KIRREL3: variants seen among roughly 807,000 people sequenced by gnomAD.
KIRREL3 encodes kirre like nephrin family adhesion molecule 3, also known as kin of IRRE-like protein 3.
In KIRREL3, 36 loss-of-function variants were observed where a neutral mutation model predicts 89.7. That is an observed-to-expected ratio of 0.40 (90% CI 0.31 to 0.53). The LOEUF is 0.53. Ranked by LOEUF, KIRREL3 falls within the 20% of genes least tolerant of loss-of-function variation. The pLI is 0.49. For synonymous variants in KIRREL3, 445 were observed against 441.4 expected, an observed-to-expected ratio of 1.01 and a Z score of -0.10; for missense variants, 864 against 1,056.6, an observed-to-expected ratio of 0.82 and a Z score of 2.53.
At chr11:126,916,391 C>T (rs577879717) in intron 1 of KIRREL3, among the ~76,000 whole-genome samples, 26 of 152,204 alleles carry the variant, frequency 1.7e-4, no homozygotes, top group South Asian at 4.2e-4. Context: ...AAGGGTGGGC[C>T]GCCAGAATCT....
rs554894911 is a variant in KIRREL3, at chr11:126,571,844, G to A, written c.56-8932C>T. ...CCCATGTGCAAGGATGCCTCAGCCC[G>A]TCTCTGATTTAACGTATCTAATTCC... On this transcript the variant is annotated intron_variant, in intron 1 of 16. Coordinates refer to ENST00000525144, the MANE Select transcript of KIRREL3 (RefSeq NM_032531.4). The surrounding 1 kb of genome is among the most constrained non-coding windows in gnomAD (Gnocchi z 7.7). Among the ~76,000 whole-genome samples the A allele has an allele frequency of 5.9e-5, 9 of 152,318 alleles. No homozygotes were observed. The highest frequency in any genetic ancestry group is 1.0e-4 in the Non-Finnish European group (7 of 68,028).
intron 1 of KIRREL3, among the ~76,000 whole-genome samples, chr11:126,741,937 C>A (rs1314873731): frequency 1.3e-5 from 2 of 152,168 alleles, no homozygotes; most frequent in Admixed American, 1.3e-4. Flanking sequence ...CATTCCATTG[C>A]TCTTTTCATT....
rs1229033195 is a variant in KIRREL3, at chr11:126,579,282, A to G, written c.56-16370T>C. On this transcript the variant is annotated intron_variant, in intron 1 of 16. Transcript: ENST00000525144. The surrounding 1 kb of genome is among the most constrained non-coding windows in gnomAD (Gnocchi z 5.3). ...GTTCCCAAACGCAGGTGAGTATAAA[A>G]TCCAATTTCTTAAATTGCATCCAGG... Among the ~76,000 whole-genome samples, 2 of 152,050 alleles carry G rather than the reference A, an allele frequency of 1.3e-5. No homozygotes were observed. Among genetic ancestry groups the G allele is most frequent in the Non-Finnish European group, 2.9e-5 (2 of 68,020 alleles).
intron 1 of KIRREL3, among the ~76,000 whole-genome samples, chr11:126,979,234 T>C (rs900879052): frequency 2.4e-4 from 36 of 152,186 alleles, no homozygotes; most frequent in African/African-American, 8.4e-4. Context: ...GAGAAATGAA[T>C]AGAAATGAGA....
chr11:126,944,623 C>T (rs1305598182), intron 1 of KIRREL3, among the ~76,000 whole-genome samples: 1 of 152,148 alleles, frequency 6.6e-6, no homozygotes, highest in Non-Finnish European at 1.5e-5. Flanking sequence ...GTGGTCCACG[C>T]CTTGAGACTT....
At position 126,940,869 on chromosome 11, in the gene KIRREL3, G is replaced by A. The variant is rs566489801; in HGVS notation, c.55+59586C>T. Reference sequence around the variant, plus strand: ...GCCAAGACTGTCATGAAACTATTTGGATACTGTACTCTGGTTCCTTCATCT... The same window carrying A: ...GCCAAGACTGTCATGAAACTATTTGAATACTGTACTCTGGTTCCTTCATCT... On this transcript the variant is annotated intron_variant, in intron 1 of 16. Coordinates refer to ENST00000525144, the MANE Select transcript of KIRREL3 (RefSeq NM_032531.4). The surrounding 1 kb of genome is among the most constrained non-coding windows in gnomAD (Gnocchi z 4.6). 2.0e-5 allele frequency: 3 copies of A among 151,732 alleles called. No homozygotes were observed. Among genetic ancestry groups the A allele is most frequent in the African/African-American group, 4.8e-5 (2 of 41,248 alleles). 9.4% of individuals were successfully genotyped at this position (151,732 alleles called of 1,614,324 possible).
At chr11:126,741,523 C>G (rs1291368319) in intron 1 of KIRREL3, among the ~76,000 whole-genome samples, 1 of 152,146 alleles carries the variant, frequency 6.6e-6, no homozygotes, top group East Asian at 1.9e-4. Context: ...CAGAGTTCAA[C>G]AAATGCGTCT....
chr11:126,916,840 G>T (rs1208503742), intron 1 of KIRREL3, among the ~76,000 whole-genome samples: 2 of 152,192 alleles, frequency 1.3e-5, no homozygotes, highest in African/African-American at 4.8e-5. Context: ...GGTTAGAAGG[G>T]TGATGTGCCT....
rs2135249047 is a variant in KIRREL3 at position 126,981,864 on chromosome 11, TG to T, written c.55+18590del. On this transcript the variant is annotated intron_variant, in intron 1 of 16. Transcript: ENST00000525144. The surrounding 1 kb of genome is among the most constrained non-coding windows in gnomAD (Gnocchi z 4.2). ...CTTCTGTAGCACACACTCCCTTGCT[TG>T]GGGGCTCTGCTGGGATGACAGCCTT... 6.6e-6 allele frequency among the ~76,000 whole-genome samples: 1 copy of T among 152,322 alleles called. No individual in the cohort carries two copies. Among genetic ancestry groups the T allele is most frequent in the East Asian group, 1.9e-4 (1 of 5,176 alleles).
intron 2 of KIRREL3, among the ~76,000 whole-genome samples, chr11:126,529,602 C>CAAA (rs57667466): frequency 4.5e-5 from 5 of 111,812 alleles, no homozygotes; most frequent in Admixed American, 1.9e-4. Context: ...GACTCGGTCT[C>CAAA]AAAAAAAAAA....
At chr11:126,857,339 C>A (rs1944551987) in intron 1 of KIRREL3, among the ~76,000 whole-genome samples, 1 of 152,270 alleles carries the variant, frequency 6.6e-6, no homozygotes, top group African/African-American at 2.4e-5. Context: ...CCTGCCCCAA[C>A]TTGCAGAGAA....
rs992517225 is a variant in KIRREL3, at chr11:126,511,665, C to T, written c.433+9650G>A. Among the ~76,000 whole-genome samples, 12 of 152,202 alleles carry T rather than the reference C, an allele frequency of 7.9e-5. No homozygotes were observed. In the East Asian group the frequency reaches 9.7e-4, roughly 12 times the overall value. On this transcript the variant is annotated intron_variant, in intron 4 of 16. Transcript: ENST00000525144. The stretch of plus-strand genomic sequence containing the variant: ...TCTCTTTCTCTCCAGGCTTGGCCTC[C>T]GCGAGTCTGCCTTGGGTTGTGTGAC...
intron 1 of KIRREL3, among the ~76,000 whole-genome samples, chr11:126,825,593 G>A (rs1211210154): frequency 1.3e-5 from 2 of 152,174 alleles, no homozygotes; most frequent in Non-Finnish European, 2.9e-5. Context: ...ACAGGCTACT[G>A]CTGTTACCAC....
intron 1 of KIRREL3, among the ~76,000 whole-genome samples, chr11:126,984,406 C>A (rs952503134): frequency 3.3e-5 from 5 of 152,124 alleles, no homozygotes; most frequent in African/African-American, 1.2e-4. Context: ...GTGCTCTATG[C>A]CTTCAAGCAG....
rs1412365467 is a variant in KIRREL3, at chr11:126,607,111, A to C, written c.56-44199T>G. On this transcript the variant is annotated intron_variant, in intron 1 of 16. Transcript: ENST00000525144. The surrounding 1 kb of genome is among the most constrained non-coding windows in gnomAD (Gnocchi z 6.6). ...AACCACAGGGCTTGTCGTGGGGCTT[A>C]TGAGTAGCTAGGGCCTCCCAGGAGG... Among the ~76,000 whole-genome samples, 3 of 152,154 alleles carry C rather than the reference A, an allele frequency of 2.0e-5. No individual in the cohort carries two copies. The highest frequency in any genetic ancestry group is 4.4e-5 in the Non-Finnish European group (3 of 68,016).
At position 126,778,030 on chromosome 11, in the gene KIRREL3, T is replaced by C. The variant is rs1175970179; in HGVS notation, c.56-215118A>G. ...CTCTCTTTTCCTGGTATATGAGAAA[T>C]ACATGCTCATTGTAGAAAAAAAAAA... On this transcript the variant is annotated intron_variant, in intron 1 of 16. Transcript: ENST00000525144. This position sits in a 1 kb window ranked among gnomAD's most constrained non-coding sequence, Gnocchi z 4.5. Among the ~76,000 whole-genome samples, 1 of 139,618 alleles carries C rather than the reference T, an allele frequency of 7.2e-6. No individual in the cohort carries two copies. Among genetic ancestry groups the C allele is most frequent in the Non-Finnish European group, 1.5e-5 (1 of 64,860 alleles). 91.6% of individuals were successfully genotyped at this position (139,618 alleles called of 152,430 possible). A position where few individuals can be genotyped will look rare whatever the true frequency, so the allele number is the denominator to read the frequency against.
At chr11:126,681,557 G>A (rs1485422915) in intron 1 of KIRREL3, among the ~76,000 whole-genome samples, 1 of 152,000 alleles carries the variant, frequency 6.6e-6, no homozygotes, top group African/African-American at 2.4e-5. Flanking sequence ...GGACTTGGGA[G>A]CGGGGGCTGT....
In KIRREL3 at chr11:126,574,744, A is replaced by G. The variant is rs1404088889; in HGVS notation, c.56-11832T>C. 6.6e-6 allele frequency among the ~76,000 whole-genome samples: 1 copy of G among 152,054 alleles called. No individual in the cohort carries two copies. The highest frequency in any genetic ancestry group is 2.4e-5 in the African/African-American group (1 of 41,370). On this transcript the variant is annotated intron_variant, in intron 1 of 16. Coordinates refer to ENST00000525144, the MANE Select transcript of KIRREL3 (RefSeq NM_032531.4). This position sits in a 1 kb window ranked among gnomAD's most constrained non-coding sequence, Gnocchi z 5.3. ...ACTTGAGATGGCTCCTTAGACTTAA[A>G]TCTCCCTTGAAAAGAAAATGCTGCT...
rs772238938 is a variant in KIRREL3, at chr11:126,605,877, A to G, written c.56-42965T>C. 6.6e-6 allele frequency among the ~76,000 whole-genome samples: 1 copy of G among 152,190 alleles called. No individual in the cohort carries two copies. Among genetic ancestry groups the G allele is most frequent in the Non-Finnish European group, 1.5e-5 (1 of 68,036 alleles). On this transcript the variant is annotated intron_variant, in intron 1 of 16. Coordinates refer to ENST00000525144, the MANE Select transcript of KIRREL3 (RefSeq NM_032531.4). This position sits in a 1 kb window ranked among gnomAD's most constrained non-coding sequence, Gnocchi z 5.7. The stretch of plus-strand genomic sequence containing the variant: ...CATCTTTCCTCTGGGATCAAATTAG[A>G]GGCACAAAGGGCAGAAGGGAACCTT...
Sources: gnomAD v4.1 joint callset for allele counts (sites outside exome capture counted in the v4.1 genomes callset) on GRCh38, gnomAD v4.1.1 for gene constraint, Gnocchi (gnomAD v3.1) non-coding constraint, MANE v1.5 for transcripts, NCBI Gene and HGNC (gene_info 2026-07-23, HGNC 2026-07-21) for gene names.